The following BABAM2 variants were observed in gnomAD, a reference collection of about 807,000 sequenced individuals.
BABAM2 encodes BRISC and BRCA1 A complex member 2.
Under a neutral mutation model 54.7 loss-of-function variants are expected in BABAM2, and 31 were observed. The observed-to-expected ratio is 0.57, with a 90% CI of 0.43 to 0.77. BABAM2 has a LOEUF of 0.77. Among genes scored for constraint, BABAM2 ranks in the 30% least tolerant of loss-of-function variants. BABAM2 has a pLI of 0.00. For missense variants in BABAM2, 364 were observed against 455.8 expected (o/e 0.80, Z 1.83); for synonymous variants, 167 against 162.9 (o/e 1.03, Z -0.19).
intron 3 of BABAM2, among the ~76,000 whole-genome samples, chr2:27,969,346 G>A (rs540556645): frequency 1.6e-4 from 24 of 152,286 alleles, no homozygotes; most frequent in East Asian, 1.4e-3. Flanking sequence ...GCACAGTGAG[G>A]GGGTGGGGAA....
chr2:28,061,844 T>C (rs2148641820), intron 6 of BABAM2, among the ~76,000 whole-genome samples: 1 of 152,118 alleles, frequency 6.6e-6, no homozygotes, highest in East Asian at 1.9e-4. Flanking sequence ...CACACATAAA[T>C]AGGAGCACTT....
intron 7 of BABAM2, among the ~76,000 whole-genome samples, chr2:28,136,417 G>T (rs1009754126): frequency 7.2e-5 from 11 of 152,254 alleles, no homozygotes; most frequent in African/African-American, 2.7e-4. Context: ...AGCCCCTCTG[G>T]CCAGGCTGGC....
chr2:28,026,925 TA>T (rs1438100634), intron 5 of BABAM2, among the ~76,000 whole-genome samples: 1 of 30,692 alleles, frequency 3.3e-5, no homozygotes, highest in African/African-American at 8.9e-5. Flanking sequence ...TTAATATATA[TA>T]AATATATATA....
Position 28,298,304 on chromosome 2 carries a change from TCTAA to T in BABAM2, c.935-31_935-28del, listed in dbSNP as rs553522170. ...AAAAAATCTTAAGATGTGTTTATGC[TCTAA>T]CTTTCTTTTTCTTTCTTCTGTCTTT... is the stretch of plus-strand genomic sequence containing the variant. On this transcript the variant is annotated intron_variant, in intron 10 of 11. Transcript: ENST00000379624. The T allele has an allele frequency of 2.8e-5, 45 of 1,606,130 alleles. No homozygotes were observed. The African/African-American group carries it at 4.6e-4, about 16-fold the overall frequency.
intron 2 of BABAM2, among the ~76,000 whole-genome samples, chr2:27,928,920 A>T (rs1667903074): frequency 6.6e-6 from 1 of 151,870 alleles, no homozygotes; most frequent in African/African-American, 2.4e-5. Flanking sequence ...TAGATTAAAA[A>T]AAAAAAAACC....
At chr2:27,989,487 G>A (rs1414056527) in intron 4 of BABAM2, among the ~76,000 whole-genome samples, 7 of 152,180 alleles carry the variant, frequency 4.6e-5, no homozygotes, top group Non-Finnish European at 1.0e-4. Flanking sequence ...TTTGTCTAAT[G>A]TATTTCAGAA....
chr2:28,256,989 C>T (rs1684034071), intron 10 of BABAM2, among the ~76,000 whole-genome samples: 1 of 152,140 alleles, frequency 6.6e-6, no homozygotes, highest in Non-Finnish European at 1.5e-5. Context: ...GACACCACGC[C>T]CGGCCTGGAC....
At chr2:28,246,494 C>T (rs1351643464) in intron 10 of BABAM2, among the ~76,000 whole-genome samples, 3 of 152,162 alleles carry the variant, frequency 2.0e-5, no homozygotes, top group Non-Finnish European at 2.9e-5. Flanking sequence ...TAACCCAGCT[C>T]AAGAGGGACC....
intron 3 of BABAM2, among the ~76,000 whole-genome samples, chr2:27,941,718 T>G (rs1473065348): frequency 6.6e-6 from 1 of 152,172 alleles, no homozygotes; most frequent in Non-Finnish European, 1.5e-5. Context: ...AAAAATCAAT[T>G]GTGATACGAA....
chr2:28,087,742 G>A (rs570501851), intron 6 of BABAM2, among the ~76,000 whole-genome samples: 2 of 151,706 alleles, frequency 1.3e-5, no homozygotes, highest in African/African-American at 4.8e-5. Flanking sequence ...TCTGCCTCCT[G>A]GGTTCAAGCG....
intron 5 of BABAM2, among the ~76,000 whole-genome samples, chr2:28,034,346 C>CA (rs1228547475): frequency 1.3e-5 from 2 of 152,122 alleles, no homozygotes; most frequent in Non-Finnish European, 2.9e-5. Flanking sequence ...TGGACCTTGA[C>CA]ACAAAGATTA....
chr2:28,310,756 C>T (rs1262858711), intron 11 of BABAM2, among the ~76,000 whole-genome samples: 24 of 151,910 alleles, frequency 1.6e-4, no homozygotes, highest in African/African-American at 4.6e-4. Context: ...TGATGGCGGG[C>T]GTCTGTAATC....
At chr2:27,891,741 G>A (rs544302746) in intron 1 of BABAM2, among the ~76,000 whole-genome samples, 164 of 134,728 alleles carry the variant, frequency 1.2e-3, no homozygotes, top group Non-Finnish European at 2.0e-3. Context: ...CCTCATGGTT[G>A]AAATAGATTT....
chr2:27,945,365 A>C (rs1260345680), intron 3 of BABAM2, among the ~76,000 whole-genome samples: 3 of 152,024 alleles, frequency 2.0e-5, no homozygotes, highest in Non-Finnish European at 2.9e-5. Context: ...GTTAATTAAC[A>C]ATTTAAGTGT....
chr2:28,069,604 G>A (rs1663937039), intron 6 of BABAM2, among the ~76,000 whole-genome samples: 1 of 152,144 alleles, frequency 6.6e-6, no homozygotes, highest in Admixed American at 6.5e-5. Context: ...GAGCAGGATT[G>A]GCCCAATGGG....
chr2:27,988,480 C>T (rs1672558778), intron 4 of BABAM2, among the ~76,000 whole-genome samples: 1 of 152,056 alleles, frequency 6.6e-6, no homozygotes, highest in Non-Finnish European at 1.5e-5. Context: ...TTCAAGGAGC[C>T]GTTTTTATAT....
intron 6 of BABAM2, among the ~76,000 whole-genome samples, chr2:28,060,229 C>T (rs957370031): frequency 6.6e-6 from 1 of 151,972 alleles, no homozygotes; most frequent in African/African-American, 2.4e-5. Context: ...ATCATATTAA[C>T]AAACTAAGAA....
Position 28,304,488 on chromosome 2 carries a change from T to C in BABAM2, c.1088+5997T>C, listed in dbSNP as rs769051304. Among the ~76,000 whole-genome samples, 9 of 151,728 alleles carry C rather than the reference T, an allele frequency of 5.9e-5. No homozygotes were observed. The highest frequency in any genetic ancestry group is 1.3e-4 in the Non-Finnish European group (9 of 67,936). ...GGTATACAGGAATACAAATGATTTT[T>C]CTATACTGACATGGCATCCTGTGAC... On this transcript the variant is annotated intron_variant, in intron 11 of 11. Transcript: ENST00000379624. The surrounding 1 kb of genome is among the most constrained non-coding windows in gnomAD (Gnocchi z 4.0).
At chr2:27,889,531 T>TA (rs1664657707), upstream of BABAM2, among the ~76,000 whole-genome samples, 2 of 151,912 alleles carry the variant, frequency 1.3e-5, no homozygotes, top group South Asian at 2.1e-4. Flanking sequence ...TACCTTAATT[T>TA]AAAAAAAAGA....
Sources: allele counts gnomAD v4.1 joint callset (sites outside exome capture counted in the v4.1 genomes callset), GRCh38; gene constraint gnomAD v4.1.1; non-coding constraint Gnocchi (gnomAD v3.1); transcripts MANE v1.5; gene names NCBI Gene and HGNC (gene_info 2026-07-23, HGNC 2026-07-21).